DHTKD1: variants seen among roughly 807,000 people sequenced by gnomAD.
DHTKD1 encodes the protein dehydrogenase E1 and transketolase domain containing 1.
In DHTKD1, 78 loss-of-function variants were observed where a neutral mutation model predicts 101.8. That is an observed-to-expected ratio of 0.77 (90% CI 0.64 to 0.93). The LOEUF is 0.93. Ranked by LOEUF, DHTKD1 falls within the 40% of genes least tolerant of loss-of-function variation. The pLI, the probability that DHTKD1 is intolerant of heterozygous loss-of-function variation, is 0.00. For synonymous variants in DHTKD1, 462 were observed against 450.3 expected (o/e 1.03, Z -0.33); for missense variants, 1,223 against 1,161.7 (o/e 1.05, Z -0.77).
chr10:12,081,273 C>CAAAG (rs1832811721), intron 1 of DHTKD1, among the ~76,000 whole-genome samples, 199 bp from the exon 2 acceptor site: 1 of 70,918 alleles, frequency 1.4e-5, no homozygotes, highest in Non-Finnish European at 2.5e-5. Context: ...GACTCCATCT[C>CAAAG]AAAAAAAAAA....
rs1833142104 is a variant in DHTKD1, at chr10:12,100,285, C to CTGTTTTTTTTGTT, written c.1756+33_1756+34insGTTTGTTTTTTTT. On this transcript the variant is annotated intron_variant, in intron 9 of 16. Coordinates refer to ENST00000263035, the MANE Select transcript of DHTKD1 (RefSeq NM_018706.7). ...AAGGTAAGAATTTTCTTTTTTTTTT[C>CTGTTTTTTTTGTT]TGTTTTTTTTTTTTTTGAGTCTCAC... 5 of 229,508 alleles carry CTGTTTTTTTTGTT rather than the reference C, an allele frequency of 2.2e-5. No individual in the cohort carries two copies. In the East Asian group the frequency reaches 2.5e-4, roughly 11 times the overall value. The allele number at this position is 229,508 out of a possible 1,614,324, so 14.2% of individuals were successfully genotyped here.
intron 16 of DHTKD1, among the ~76,000 whole-genome samples, chr10:12,120,514 T>A (rs974714852): frequency 2.6e-5 from 4 of 152,152 alleles, no homozygotes; most frequent in African/African-American, 9.6e-5. Context: ...TTTTTTGTAT[T>A]TTTAGTAGAG....
chr10:12,100,185 T>C lies in DHTKD1; in HGVS notation c.1679T>C (p.Met560Thr). ...HLLKTHVQSR[M>T]EKMMDGIKLD... ...TTCCTCTGAATTTTACAGTCCAGAA[T>C]GGAGAAGATGATGGACGGAATCAAG... is the stretch of plus-strand genomic sequence containing the variant. The change falls in exon 9 of 17, where the codon ATG becomes ACG. Residue 560 changes from methionine (M) to threonine (T), a missense_variant. Met to Thr is a moderately conservative substitution (Grantham distance 81). Coordinates refer to ENST00000263035, the MANE Select transcript of DHTKD1 (RefSeq NM_018706.7). 1 of 1,586,190 alleles carries C rather than the reference T, an allele frequency of 6.3e-7. No individual in the cohort carries two copies. Among genetic ancestry groups the C allele is most frequent in the Middle Eastern group, 1.7e-4 (1 of 5,962 alleles).
Position 12,069,127 on chromosome 10 carries a change from G to T in DHTKD1, c.94G>T (p.Gly32Cys). ...RGYQTERGVY[G>C]YRPRKPESRE... ...CTACCAGACCGAGCGGGGCGTTTAC[G>T]GCTACCGGCCGAGGAAGCCCGAGAG... Residue 32 changes from glycine (G) to cysteine (C), a missense_variant, in exon 1 of 17, where the codon GGC (glycine) becomes TGC (cysteine). Physicochemically the swap from Gly to Cys is radical, Grantham distance 159 (BLOSUM62 -3). Transcript: ENST00000263035. 1 of 1,601,562 alleles carries T rather than the reference G, an allele frequency of 6.2e-7. No individual in the cohort carries two copies. The highest frequency in any genetic ancestry group is 8.5e-7 in the Non-Finnish European group (1 of 1,175,544).
intron 1 of DHTKD1, among the ~76,000 whole-genome samples, chr10:12,069,518 C>CTTTTTT (rs10691718): frequency 3.7e-5 from 3 of 81,516 alleles, no homozygotes; most frequent in Admixed American, 1.7e-4. Context: ...TTTTTGTTTC[C>CTTTTTT]TTTTTTTTTT....
At chr10:12,112,824 T>G in intron 12 of DHTKD1, 76 bp from the exon 13 acceptor site, 4 of 1,417,598 alleles carry the variant, frequency 2.8e-6, no homozygotes, top group Non-Finnish European at 9.5e-7. Context: ...GTGTTTCCCT[T>G]TGGCCAGCCC....
At chr10:12,112,603 G>A (rs1451895175) in intron 12 of DHTKD1, among the ~76,000 whole-genome samples, 1 of 152,042 alleles carries the variant, frequency 6.6e-6, no homozygotes, top group Non-Finnish European at 1.5e-5. Context: ...GTAGTAATCA[G>A]AATATGTATT....
intron 13 of DHTKD1, among the ~76,000 whole-genome samples, chr10:12,115,028 C>T (rs1833394010): frequency 6.6e-6 from 1 of 152,100 alleles, no homozygotes. Flanking sequence ...ATCTCCTGAC[C>T]TCGTGATCCG....
At chr10:12,070,815 C>T (rs893558671) in intron 1 of DHTKD1, among the ~76,000 whole-genome samples, 1 of 152,098 alleles carries the variant, frequency 6.6e-6, no homozygotes, top group African/African-American at 2.4e-5. Context: ...TTTGCAGAGC[C>T]GAATTCCCCT....
intron 1 of DHTKD1, among the ~76,000 whole-genome samples, chr10:12,071,188 C>A (rs1444701211): frequency 6.6e-6 from 1 of 152,164 alleles, no homozygotes; most frequent in African/African-American, 2.4e-5. Flanking sequence ...TATCTTCTTT[C>A]CTTCCCCTTA....
chr10:12,073,696 G>A (rs1187238613), intron 1 of DHTKD1, among the ~76,000 whole-genome samples: 1 of 152,142 alleles, frequency 6.6e-6, no homozygotes. Context: ...GTCTGGCCCA[G>A]CTTGACTCAG....
At chr10:12,098,150 C>G (rs1271415125) in intron 8 of DHTKD1, among the ~76,000 whole-genome samples, 154 bp downstream of exon 8, 1 of 152,178 alleles carries the variant, frequency 6.6e-6, no homozygotes, top group Non-Finnish European at 1.5e-5. Context: ...TGTTTTGGTA[C>G]TGATAGTCAG....
intron 10 of DHTKD1, among the ~76,000 whole-genome samples, chr10:12,105,431 T>G (rs1833228783): frequency 6.6e-6 from 1 of 152,106 alleles, no homozygotes; most frequent in Non-Finnish European, 1.5e-5. Flanking sequence ...TCCTCCCACC[T>G]CAGCCTCCCA....
rs764591027 is a variant in DHTKD1, at chr10:12,084,716, C to G, written c.487C>G (p.Arg163Gly). The G allele has an allele frequency of 1.2e-6, 2 of 1,614,036 alleles. No individual in the cohort carries two copies. The highest frequency in any genetic ancestry group is 2.2e-5 in the East Asian group (1 of 44,876). ...AAAGGAGACGTTTACCACAGAAGAG[C>G]GAAAACATCTGTCGAAACTAATGCT... Reference protein sequence around the residue: ...LQKETFTTEERKHLSKLMLES... With the variant: ...LQKETFTTEEGKHLSKLMLES... Residue 163 changes from arginine (R) to glycine (G), a missense_variant, in exon 3 of 17, where the codon CGA becomes GGA. Physicochemically the swap from Arg to Gly is moderately radical, Grantham distance 125. Transcript: ENST00000263035.
At position 12,091,576 on chromosome 10, in the gene DHTKD1, C is replaced by T; in HGVS notation, c.1051C>T (p.Leu351Phe). 6.2e-7 allele frequency: 1 copy of T among 1,613,414 alleles called. No individual in the cohort carries two copies. Residue 351 changes from leucine to phenylalanine, a missense_variant, in exon 6 of 17, where the codon CTC becomes TTC. Physicochemically the swap from Leu to Phe is conservative, Grantham distance 22. Transcript: ENST00000263035. Reference protein sequence around the residue: ...IVPETFTLSNLPHFRIGGSVH... With the variant: ...IVPETFTLSNFPHFRIGGSVH... ...TCCTGAAACATTCACGCTGTCCAAT[C>T]TCCCACATTTCAGAATTGGTGGGAG...
intron 5 of DHTKD1, among the ~76,000 whole-genome samples, chr10:12,090,649 A>T (rs1426785649): frequency 6.6e-6 from 1 of 151,892 alleles, no homozygotes; most frequent in Non-Finnish European, 1.5e-5. Flanking sequence ...TACCTGGCTG[A>T]TTTATTTTAT....
chr10:12,108,011 T>C lies in DHTKD1; in HGVS notation c.2150T>C (p.Leu717Pro). Reference protein sequence around the residue: ...DHSSCRIERFLQMCDSAEEGV... With the variant: ...DHSSCRIERFPQMCDSAEEGV... ...TCATCCTGTCGAATAGAGCGTTTCCTGCAGGTAAGGGTAACGTCTTCCGGA... is the reference window on the plus strand; with the variant it reads ...TCATCCTGTCGAATAGAGCGTTTCCCGCAGGTAAGGGTAACGTCTTCCGGA... Residue 717 changes from leucine (L) to proline (P), a missense_variant, in exon 12 of 17, where the codon CTG (leucine) becomes CCG (proline). Physicochemically the swap from Leu to Pro is moderately conservative, Grantham distance 98. Transcript: ENST00000263035. 1 of 1,611,900 alleles carries C rather than the reference T, an allele frequency of 6.2e-7. No individual in the cohort carries two copies. The highest frequency in any genetic ancestry group is 8.5e-7 in the Non-Finnish European group (1 of 1,178,014).
intron 10 of DHTKD1, among the ~76,000 whole-genome samples, chr10:12,101,582 C>T (rs1256518720): frequency 2.6e-5 from 4 of 152,208 alleles, no homozygotes; most frequent in Non-Finnish European, 4.4e-5. Flanking sequence ...ATTGGCTTGA[C>T]GAATGTACAC....
At chr10:12,086,355 G>A (rs992328037) in intron 3 of DHTKD1, among the ~76,000 whole-genome samples, 1 of 151,192 alleles carries the variant, frequency 6.6e-6, no homozygotes, top group African/African-American at 2.4e-5. Flanking sequence ...CAAGTAGCTG[G>A]GACTACAGGT....
Sources: gnomAD v4.1 joint callset for allele counts (sites outside exome capture counted in the v4.1 genomes callset) on GRCh38, gnomAD v4.1.1 for gene constraint, MANE v1.5 for transcripts, NCBI Gene and HGNC (gene_info 2026-07-23, HGNC 2026-07-21) for gene names.